ROBO2: variants seen among roughly 807,000 people sequenced by gnomAD.
ROBO2 encodes roundabout homolog 2.
A neutral mutation model predicts 160.8 loss-of-function variants in ROBO2; 53 were observed. That is an observed-to-expected ratio of 0.33 (90% CI 0.26 to 0.41). The LOEUF is 0.41. Among genes scored for constraint, ROBO2 ranks in the 10% least tolerant of loss-of-function variants. ROBO2 has a pLI of 1.00. For synonymous variants in ROBO2, 664 were observed against 611.7 expected (o/e 1.09, Z -1.26); for missense variants, 1,577 against 1,722.4 (o/e 0.92, Z 1.49).
chr3:77,447,738 T>G (rs908056482), intron 2 of ROBO2, among the ~76,000 whole-genome samples: 6 of 152,144 alleles, frequency 3.9e-5, no homozygotes, highest in Admixed American at 6.6e-5. Flanking sequence ...CAAATCAACG[T>G]TGACTAATTA....
At chr3:76,858,030 T>G (rs1415284197) in intron 2 of ROBO2, among the ~76,000 whole-genome samples, 1 of 152,100 alleles carries the variant, frequency 6.6e-6, no homozygotes, top group Non-Finnish European at 1.5e-5. Flanking sequence ...CTTCCACTTC[T>G]TTTGGAAAAT....
At chr3:77,481,196 A>T in exon 4 of ROBO2, 2 of 1,595,690 alleles carry the variant, frequency 1.3e-6, no homozygotes, top group Non-Finnish European at 1.7e-6. Context: ...AGGGACAGTG[A>T]CCCAGCAGAG....
At chr3:77,201,995 T>G (rs2151023861) in intron 2 of ROBO2, among the ~76,000 whole-genome samples, 1 of 152,278 alleles carries the variant, frequency 6.6e-6, no homozygotes, top group South Asian at 2.1e-4. Context: ...TTCCTAGGAT[T>G]AAAACAAATT....
chr3:76,096,715 A>C (rs2069467178), intron 2 of ROBO2, among the ~76,000 whole-genome samples: 1 of 152,230 alleles, frequency 6.6e-6, no homozygotes, highest in Non-Finnish European at 1.5e-5. Context: ...TTTAATCCTT[A>C]CTACAACCCA....
At chr3:76,806,954 GT>G (rs1212412768) in intron 2 of ROBO2, among the ~76,000 whole-genome samples, 1 of 152,024 alleles carries the variant, frequency 6.6e-6, no homozygotes, top group Non-Finnish European at 1.5e-5. Context: ...TTGTGGACAA[GT>G]TTTTATGATG....
intron 2 of ROBO2, among the ~76,000 whole-genome samples, chr3:77,202,874 C>T (rs1456258947): frequency 6.6e-6 from 1 of 152,042 alleles, no homozygotes; most frequent in Admixed American, 6.5e-5. Flanking sequence ...AGGCAAAGGC[C>T]TTAGGACAGA....
At position 77,532,028 on chromosome 3, in the gene ROBO2, T is replaced by C. The variant is rs181032251; in HGVS notation, c.934+9126T>C. Among the ~76,000 whole-genome samples the C allele has an allele frequency of 5.9e-5, 9 of 152,296 alleles. No individual in the cohort carries two copies. In the East Asian group the frequency reaches 1.6e-3, roughly 26 times the overall value. On this transcript the variant is annotated intron_variant, in intron 6 of 25. Transcript: ENST00000461745. The stretch of plus-strand genomic sequence containing the variant: ...AAAAAAGGCATTCTGTTTTATCTTC[T>C]ATATTCCAACTGAGTTTCCATAATG...
At chr3:77,262,946 T>C (rs1454174348) in intron 2 of ROBO2, among the ~76,000 whole-genome samples, 1 of 152,182 alleles carries the variant, frequency 6.6e-6, no homozygotes, top group African/African-American at 2.4e-5. Flanking sequence ...CCACTCTAAA[T>C]ACTTTAATTC....
At chr3:76,977,884 C>T (rs147238812) in intron 2 of ROBO2, among the ~76,000 whole-genome samples, 1 of 152,258 alleles carries the variant, frequency 6.6e-6, no homozygotes, top group African/African-American at 2.4e-5. Flanking sequence ...AATATCTCCT[C>T]ATGACAGAAT....
At chr3:77,466,896 T>G (rs143607009) in intron 2 of ROBO2, among the ~76,000 whole-genome samples, 19 of 152,304 alleles carry the variant, frequency 1.2e-4, no homozygotes, top group African/African-American at 4.1e-4. Flanking sequence ...TTGTAATTCA[T>G]GTTGATCATG....
intron 2 of ROBO2, among the ~76,000 whole-genome samples, chr3:76,946,388 C>T (rs1234761387): frequency 6.6e-6 from 1 of 151,968 alleles, no homozygotes; most frequent in Admixed American, 6.6e-5. Context: ...GTGTAGGGCT[C>T]CCAGATTCTC....
intron 2 of ROBO2, among the ~76,000 whole-genome samples, chr3:76,519,017 G>A (rs1412326712): frequency 6.6e-6 from 1 of 152,112 alleles, no homozygotes; most frequent in Non-Finnish European, 1.5e-5. Flanking sequence ...TCATTTGTGA[G>A]CCAGGGGTGA....
chr3:77,314,261 T>C (rs945898572), intron 2 of ROBO2, among the ~76,000 whole-genome samples: 5 of 152,208 alleles, frequency 3.3e-5, no homozygotes, highest in African/African-American at 1.2e-4. Flanking sequence ...ATCCATATAC[T>C]ACCTGCAAAT....
At chr3:76,269,944 T>C (rs1028060077) in intron 2 of ROBO2, among the ~76,000 whole-genome samples, 6 of 151,944 alleles carry the variant, frequency 3.9e-5, no homozygotes, top group Admixed American at 1.3e-4. Flanking sequence ...TGACTCTGGG[T>C]GAAGTTAAAT....
chr3:77,332,052 G>A (rs2066024495), intron 2 of ROBO2, among the ~76,000 whole-genome samples: 1 of 152,086 alleles, frequency 6.6e-6, no homozygotes, highest in Non-Finnish European at 1.5e-5. Context: ...TATAACTGTT[G>A]ATATCCTTTG....
chr3:76,348,331 AG>A (rs1174941246), intron 2 of ROBO2, among the ~76,000 whole-genome samples: 2 of 152,114 alleles, frequency 1.3e-5, no homozygotes, highest in African/African-American at 4.8e-5. Context: ...GGTAAAGTGG[AG>A]GTGGGGCAAA....
intron 2 of ROBO2, among the ~76,000 whole-genome samples, chr3:76,440,613 A>G (rs571171837): frequency 2.6e-5 from 4 of 152,134 alleles, no homozygotes; most frequent in African/African-American, 4.8e-5. Flanking sequence ...GTGTAAAACA[A>G]TACCTCACTG....
intron 2 of ROBO2, among the ~76,000 whole-genome samples, chr3:76,918,682 C>A (rs1294218331): frequency 2.0e-5 from 3 of 152,150 alleles, no homozygotes; most frequent in African/African-American, 4.8e-5. Context: ...ACTTTCAACA[C>A]TTCATTTTCA....
intron 21 of ROBO2, among the ~76,000 whole-genome samples, chr3:77,613,133 T>C (rs1020222002): frequency 6.6e-6 from 1 of 152,116 alleles, no homozygotes; most frequent in African/African-American, 2.4e-5. Context: ...TAAAAATGAA[T>C]TGAGTACACC....
Sources: gnomAD v4.1 joint callset for allele counts (sites outside exome capture counted in the v4.1 genomes callset) on GRCh38, gnomAD v4.1.1 for gene constraint, MANE v1.5 for transcripts, NCBI Gene and HGNC (gene_info 2026-07-23, HGNC 2026-07-21) for gene names.